SNX29: variants seen among roughly 807,000 people sequenced by gnomAD.
SNX29 encodes sorting nexin-29.
In SNX29, 78 loss-of-function variants were observed where a neutral mutation model predicts 102.1. The observed-to-expected ratio is 0.76, with a 90% CI of 0.64 to 0.92. The LOEUF (loss-of-function observed/expected upper bound fraction) is 0.92, where lower values mean the gene tolerates loss of function less well. Ranked by LOEUF, SNX29 falls within the 40% of genes least tolerant of loss-of-function variation. The pLI is 0.00. For missense variants in SNX29, 1,280 were observed against 1,061.7 expected, an observed-to-expected ratio of 1.21 and a Z score of -2.86; for synonymous variants, 580 against 414.5, an observed-to-expected ratio of 1.40 and a Z score of -4.85.
intron 20 of SNX29, among the ~76,000 whole-genome samples, chr16:12,552,272 C>G (rs1238630030): frequency 1.3e-5 from 2 of 152,178 alleles, no homozygotes; most frequent in African/African-American, 4.8e-5. Flanking sequence ...TAAGCCCTGG[C>G]CAGTTAACTT....
intron 9 of SNX29, among the ~76,000 whole-genome samples, chr16:12,062,463 G>C (rs922302291): frequency 2.0e-5 from 3 of 151,948 alleles, no homozygotes; most frequent in African/African-American, 4.8e-5. Flanking sequence ...CATTCCACAC[G>C]GTTGAGCACG....
chr16:12,487,815 C>G (rs370371496), intron 19 of SNX29, among the ~76,000 whole-genome samples: 1 of 152,264 alleles, frequency 6.6e-6, no homozygotes, highest in Non-Finnish European at 1.5e-5. Context: ...TAAACTCAAG[C>G]CTGTGTCTCA....
At chr16:12,204,158 G>C (rs903494414) in intron 14 of SNX29, among the ~76,000 whole-genome samples, 4 of 152,212 alleles carry the variant, frequency 2.6e-5, no homozygotes, top group African/African-American at 7.2e-5. Context: ...CTGAAAGGCA[G>C]AGAGAAAGCG....
intron 4 of SNX29, among the ~76,000 whole-genome samples, chr16:12,040,820 C>G (rs149510255): frequency 6.5e-4 from 99 of 152,274 alleles, no homozygotes; most frequent in African/African-American, 2.2e-3. Context: ...TACACTCATA[C>G]AATATGATGT....
rs1596782496 is a variant in SNX29 at position 12,075,031 on chromosome 16, C to G, written c.1320-3802C>G. Among the ~76,000 whole-genome samples, 3 of 152,144 alleles carry G rather than the reference C, an allele frequency of 2.0e-5. No individual in the cohort carries two copies. The South Asian group carries it at 6.2e-4, about 31-fold the overall frequency. On this transcript the variant is annotated intron_variant, in intron 10 of 20. Transcript: ENST00000566228. ...TCAGCTCCATCAGCTCCTTTAAGCA[C>G]TTCTCTATATTGGTTATTCTAGTTA...
chr16:12,074,459 G>C (rs1480432247), intron 10 of SNX29, among the ~76,000 whole-genome samples: 1 of 152,026 alleles, frequency 6.6e-6, no homozygotes, highest in Non-Finnish European at 1.5e-5. Context: ...GAAATTCTGG[G>C]TTGAAAATTC....
At chr16:12,310,091 TGCAC>T (rs1405699067) in intron 15 of SNX29, among the ~76,000 whole-genome samples, 2 of 142,518 alleles carry the variant, frequency 1.4e-5, no homozygotes, top group Admixed American at 7.0e-5. Flanking sequence ...TGTGCACACA[TGCAC>T]ACACATGCAC....
chr16:12,235,864 T>G (rs923938181), intron 14 of SNX29, among the ~76,000 whole-genome samples: 2 of 151,962 alleles, frequency 1.3e-5, no homozygotes, highest in African/African-American at 4.8e-5. Context: ...AAATCACAGT[T>G]CTTTTGGCAG....
chr16:12,111,897 G>A (rs2053515878), intron 11 of SNX29, among the ~76,000 whole-genome samples: 1 of 152,146 alleles, frequency 6.6e-6, no homozygotes, highest in African/African-American at 2.4e-5. Context: ...CTGAGATGGG[G>A]TGTGTGGTGG....
chr16:12,191,354 C>G (rs1433551143), intron 13 of SNX29, among the ~76,000 whole-genome samples: 1 of 152,162 alleles, frequency 6.6e-6, no homozygotes, highest in Non-Finnish European at 1.5e-5. Context: ...TCTGGAGTTG[C>G]ACTGTCTGCT....
chr16:12,477,022 T>C (rs1004393995), intron 18 of SNX29, among the ~76,000 whole-genome samples: 21 of 152,302 alleles, frequency 1.4e-4, no homozygotes, highest in African/African-American at 5.1e-4. Flanking sequence ...TGTTTTTCCT[T>C]GTGATGAAGT....
intron 20 of SNX29, among the ~76,000 whole-genome samples, chr16:12,543,488 C>T (rs569402076): frequency 9.3e-4 from 142 of 152,200 alleles, no homozygotes; most frequent in Non-Finnish European, 1.7e-3. Context: ...AAAGCCACAG[C>T]CACCTGTGCT....
At chr16:12,007,055 T>C (rs1299386570) in intron 3 of SNX29, among the ~76,000 whole-genome samples, 3 of 152,228 alleles carry the variant, frequency 2.0e-5, no homozygotes, top group Admixed American at 1.3e-4. Flanking sequence ...TAAATGGTTT[T>C]TGAGGCTGAG....
intron 18 of SNX29, among the ~76,000 whole-genome samples, chr16:12,466,861 T>C (rs1032128788): frequency 3.3e-5 from 5 of 152,160 alleles, no homozygotes; most frequent in Non-Finnish European, 7.4e-5. Flanking sequence ...GTGGAGACTG[T>C]TCCATGAGTC....
At chr16:12,056,653 C>T (rs1027573602) in intron 8 of SNX29, among the ~76,000 whole-genome samples, 3 of 152,192 alleles carry the variant, frequency 2.0e-5, no homozygotes, top group South Asian at 4.1e-4. Context: ...TAGGCTTACT[C>T]ATTGGTTTAC....
chr16:12,467,658 TTCAC>T (rs1463900487), intron 18 of SNX29, among the ~76,000 whole-genome samples: 84 of 151,176 alleles, frequency 5.6e-4, no homozygotes, highest in East Asian at 1.9e-3. Context: ...ATTCATTCCA[TTCAC>T]TCATTCATTC....
intron 13 of SNX29, among the ~76,000 whole-genome samples, chr16:12,131,877 G>A (rs991289922): frequency 7.2e-5 from 11 of 152,122 alleles, no homozygotes; most frequent in South Asian, 4.1e-4. Flanking sequence ...TTCCCCTTTC[G>A]TCACATTTTA....
At chr16:12,478,672 G>A (rs8047217) in intron 19 of SNX29, among the ~76,000 whole-genome samples, 21,888 of 152,124 alleles carry the variant, frequency 0.14, 2,065 homozygotes, top group African/African-American at 0.28. Flanking sequence ...TCAGCCAGGC[G>A]GCATCATGAT....
chr16:12,500,312 G>T (rs1328986581), intron 19 of SNX29, among the ~76,000 whole-genome samples: 1 of 152,124 alleles, frequency 6.6e-6, no homozygotes, highest in East Asian at 1.9e-4. Context: ...ATTTGTGAAA[G>T]GTCCTTAGAT....
Sources: allele counts gnomAD v4.1 joint callset (sites outside exome capture counted in the v4.1 genomes callset), GRCh38; gene constraint gnomAD v4.1.1; transcripts MANE v1.5; gene names NCBI Gene and HGNC (gene_info 2026-07-23, HGNC 2026-07-21).